The following DTD1 variants were observed in gnomAD, a reference collection of about 807,000 sequenced individuals.
DTD1 encodes D-tyrosyl-tRNA deacylase 1 homolog.
A neutral mutation model predicts 25.6 loss-of-function variants in DTD1; 13 were observed. That is an observed-to-expected ratio of 0.51 (90% CI 0.33 to 0.81). The LOEUF is 0.81. Among genes scored for constraint, DTD1 ranks in the 30% least tolerant of loss-of-function variants. The pLI, the probability that DTD1 is intolerant of heterozygous loss-of-function variation, is 0.02. For missense variants in DTD1, 193 were observed against 266.4 expected (o/e 0.72, Z 1.92); for synonymous variants, 110 against 103.6 (o/e 1.06, Z -0.37).
At chr20:18,755,719 C>T (rs142175050) in intron 5 of DTD1, among the ~76,000 whole-genome samples, 2,213 of 152,096 alleles carry the variant, frequency 0.015, 53 homozygotes, top group African/African-American at 0.049. Context: ...TGAATAGTGC[C>T]GCAATAAACA....
intron 4 of DTD1, among the ~76,000 whole-genome samples, chr20:18,689,294 G>T (rs898938399): frequency 2.0e-5 from 3 of 152,196 alleles, no homozygotes; most frequent in Non-Finnish European, 4.4e-5. Flanking sequence ...CGCCCCCTTT[G>T]TATGTGTGTT....
At chr20:18,641,066 G>A (rs1384072388) in intron 4 of DTD1, among the ~76,000 whole-genome samples, 7 of 152,130 alleles carry the variant, frequency 4.6e-5, no homozygotes, top group Admixed American at 2.6e-4. Flanking sequence ...ACCACTCTGA[G>A]TATCATATGA....
At chr20:18,653,006 T>C (rs1290836367) in intron 4 of DTD1, among the ~76,000 whole-genome samples, 1 of 152,168 alleles carries the variant, frequency 6.6e-6, no homozygotes. Context: ...TTTTTGCCAG[T>C]GTGTCTGAGA....
intron 4 of DTD1, among the ~76,000 whole-genome samples, chr20:18,718,391 C>T (rs943753215): frequency 9.9e-5 from 15 of 152,256 alleles, no homozygotes; most frequent in African/African-American, 3.4e-4. Flanking sequence ...CAAGTCGTGG[C>T]ACTTGGTGGG....
At chr20:18,617,569 A>G (rs1188863344) in intron 3 of DTD1, among the ~76,000 whole-genome samples, 2 of 151,998 alleles carry the variant, frequency 1.3e-5, no homozygotes, top group Non-Finnish European at 2.9e-5. Flanking sequence ...CTTCTAATTA[A>G]TGATTGAATA....
At chr20:18,638,446 T>C (rs1040430120) in intron 4 of DTD1, among the ~76,000 whole-genome samples, 1 of 152,154 alleles carries the variant, frequency 6.6e-6, no homozygotes, top group African/African-American at 2.4e-5. Context: ...GAGAATGCTG[T>C]TGGCTAGAAG....
chr20:18,718,683 A>G (rs530709818), intron 4 of DTD1, among the ~76,000 whole-genome samples: 6 of 152,334 alleles, frequency 3.9e-5, no homozygotes, highest in African/African-American at 1.4e-4. Context: ...TATCTAATAT[A>G]ATGTTATACA....
At chr20:18,747,301 G>A (rs970125936) in intron 5 of DTD1, among the ~76,000 whole-genome samples, 1 of 152,108 alleles carries the variant, frequency 6.6e-6, no homozygotes. Context: ...TTCTATTGGA[G>A]GAAAACTCAT....
intron 1 of DTD1, among the ~76,000 whole-genome samples, chr20:18,589,214 G>T (rs1029317967): frequency 1.3e-5 from 2 of 150,362 alleles, no homozygotes; most frequent in Non-Finnish European, 3.0e-5. Flanking sequence ...AGCCGGGAGC[G>T]GTGGTTGGTG....
intron 4 of DTD1, among the ~76,000 whole-genome samples, chr20:18,676,670 T>C (rs539604450): frequency 6.6e-6 from 1 of 152,312 alleles, no homozygotes; most frequent in East Asian, 1.9e-4. Context: ...CACACACAAC[T>C]GATTTATCTT....
chr20:18,705,266 A>G (rs1307146369), intron 4 of DTD1, among the ~76,000 whole-genome samples: 2 of 152,312 alleles, frequency 1.3e-5, no homozygotes, highest in African/African-American at 2.4e-5. Context: ...TTTGAAACAA[A>G]TTAACAATTG....
At chr20:18,725,469 A>C (rs2061219757) in intron 4 of DTD1, among the ~76,000 whole-genome samples, 1 of 152,130 alleles carries the variant, frequency 6.6e-6, no homozygotes. Flanking sequence ...AAATAGTTTG[A>C]AGCAATATGC....
chr20:18,617,115 A>G (rs887765044), intron 3 of DTD1, among the ~76,000 whole-genome samples: 2 of 152,102 alleles, frequency 1.3e-5, no homozygotes, highest in African/African-American at 4.8e-5. Flanking sequence ...CCGAGAGTCT[A>G]TGATACAATT....
chr20:18,626,803 T>A (rs1008253028), intron 3 of DTD1, among the ~76,000 whole-genome samples: 15 of 152,240 alleles, frequency 9.9e-5, no homozygotes, highest in Non-Finnish European at 1.9e-4. Flanking sequence ...CTACTTGGAA[T>A]GATAAACAAG....
intron 3 of DTD1, among the ~76,000 whole-genome samples, chr20:18,614,208 C>T (rs183933663): frequency 3.9e-5 from 6 of 152,292 alleles, no homozygotes; most frequent in Admixed American, 1.3e-4. Flanking sequence ...CCAGCATGCT[C>T]CTGCTCAAGC....
At chr20:18,709,933 T>G (rs1163084866) in intron 4 of DTD1, among the ~76,000 whole-genome samples, 2 of 152,182 alleles carry the variant, frequency 1.3e-5, no homozygotes, top group Non-Finnish European at 2.9e-5. Flanking sequence ...ACTTTGGGCC[T>G]TACTCCTAAT....
In DTD1 at chr20:18,628,169, A is replaced by T. The variant is rs777394975; in HGVS notation, c.413A>T (p.Asp138Val). 1 of 1,613,914 alleles carries T rather than the reference A, an allele frequency of 6.2e-7. No individual in the cohort carries two copies. Among genetic ancestry groups the T allele is most frequent in the Non-Finnish European group, 8.5e-7 (1 of 1,179,880 alleles). Reference sequence around the variant, plus strand: ...TACATGCAGGTGCACATTCAGAATGATGGGCCTGTGACCATAGAGCTGGAA... The same window carrying T: ...TACATGCAGGTGCACATTCAGAATGTTGGGCCTGTGACCATAGAGCTGGAA... ...GAYMQVHIQN[D>V]GPVTIELESP... Residue 138 changes from aspartate to valine, a missense_variant, in exon 4 of 6, where the codon GAT becomes GTT. Transcript: ENST00000377452.
chr20:18,708,364 A>ATATATTATATATCTATATATTTT (rs2061144172), intron 4 of DTD1, among the ~76,000 whole-genome samples: 2 of 71,000 alleles, frequency 2.8e-5, no homozygotes, highest in East Asian at 3.6e-4. Context: ...CTATATATAT[A>ATATATTATATATCTATATATTTT]TTTTTTTTTG....
At chr20:18,759,438 C>CA (rs2061352537) in intron 5 of DTD1, among the ~76,000 whole-genome samples, 1 of 152,162 alleles carries the variant, frequency 6.6e-6, no homozygotes, top group South Asian at 2.1e-4. Flanking sequence ...CTGGTGGTGA[C>CA]CAATCTCTCA....
Sources: allele counts gnomAD v4.1 joint callset (sites outside exome capture counted in the v4.1 genomes callset), GRCh38; gene constraint gnomAD v4.1.1; transcripts MANE v1.5; gene names NCBI Gene and HGNC (gene_info 2026-07-23, HGNC 2026-07-21).